The following MGAT4C variants were observed in gnomAD, a reference collection of about 807,000 sequenced individuals.
MGAT4C encodes the protein MGAT4 family member C, also known as alpha-1,3-mannosyl-glycoprotein 4-beta-N-acetylglucosaminyltransferase C.
MGAT4C carries 19 observed loss-of-function variants against 40.1 expected under a neutral mutation model. That is an observed-to-expected ratio of 0.47 (90% confidence interval 0.33 to 0.70). The LOEUF is 0.70. Among genes scored for constraint, MGAT4C ranks in the 30% least tolerant of loss-of-function variants. The pLI, the probability that MGAT4C is intolerant of heterozygous loss-of-function variation, is 0.02. For missense variants in MGAT4C, 491 were observed against 563.2 expected, an observed-to-expected ratio of 0.87 and a Z score of 1.30; for synonymous variants, 181 against 187.1, an observed-to-expected ratio of 0.97 and a Z score of 0.27.
chr12:86,344,717 G>GGTGTGTGTGTGTGTGTGTGTGTGTGT (rs71076188), intron 3 of MGAT4C, among the ~76,000 whole-genome samples: 1 of 139,414 alleles, frequency 7.2e-6, no homozygotes, highest in African/African-American at 2.7e-5. Flanking sequence ...ATCTCTTCTC[G>GGTGTGTGTGTGTGTGTGTGTGTGTGT]GTGTGTGTGT....
rs151018214 is a variant in MGAT4C, at chr12:86,395,614, T to G, written c.-120+39543A>C. ...TTATGCACATTCAACCAATGTAAGT[T>G]TTTGATGTGTGGTACTGAGCTTTTG... On this transcript the variant is annotated intron_variant, in intron 3 of 7. Coordinates refer to the MGAT4C transcript ENST00000548651. Among the ~76,000 whole-genome samples, 23 of 152,272 alleles carry G rather than the reference T, an allele frequency of 1.5e-4. No individual in the cohort carries two copies. The East Asian group carries it at 4.4e-3, about 29-fold the overall frequency.
At chr12:86,135,638 G>T (rs1446884965) in intron 1 of MGAT4C, among the ~76,000 whole-genome samples, 1 of 151,916 alleles carries the variant, frequency 6.6e-6, no homozygotes, top group African/African-American at 2.4e-5. Flanking sequence ...TTCTTTTTCC[G>T]CAACAAACAC....
chr12:86,484,961 T>G (rs1452798549), intron 2 of MGAT4C, among the ~76,000 whole-genome samples: 5 of 152,252 alleles, frequency 3.3e-5, no homozygotes, highest in Admixed American at 3.3e-4. Flanking sequence ...TTAAGCACCA[T>G]CTACTAGATT....
At chr12:86,038,553 T>A (rs186981020) in intron 2 of MGAT4C, among the ~76,000 whole-genome samples, 13 of 148,878 alleles carry the variant, frequency 8.7e-5, no homozygotes, top group African/African-American at 3.2e-4. Flanking sequence ...TATTTATTTA[T>A]TTATTTATTT....
In MGAT4C at chr12:86,506,062, T is replaced by C. The variant is rs142501105; in HGVS notation, c.-228-70797A>G. Among the ~76,000 whole-genome samples, 496 of 152,298 alleles carry C rather than the reference T, an allele frequency of 3.3e-3. 3 individuals carry two copies. The highest frequency in any genetic ancestry group is 0.011 in the African/African-American group (474 of 41,578). ...TCAAACTTTAAGGATATCTGGTAGATGCAATCTTTAAGCCAGTGGATCATG... is the reference window on the plus strand; with the variant it reads ...TCAAACTTTAAGGATATCTGGTAGACGCAATCTTTAAGCCAGTGGATCATG... On this transcript the variant is annotated intron_variant, in intron 2 of 7. Transcript: ENST00000548651.
At chr12:86,560,139 C>T (rs764527356) in intron 2 of MGAT4C, among the ~76,000 whole-genome samples, 2 of 151,734 alleles carry the variant, frequency 1.3e-5, no homozygotes, top group Non-Finnish European at 2.9e-5. Context: ...TAATAAATTA[C>T]AACATTGACA....
At chr12:86,461,231 A>G (rs1565777965) in intron 2 of MGAT4C, among the ~76,000 whole-genome samples, 1 of 148,960 alleles carries the variant, frequency 6.7e-6, no homozygotes, top group Non-Finnish European at 1.5e-5. Flanking sequence ...AAATTTACAC[A>G]TCTTCTTTTT....
At chr12:86,491,294 A>G (rs1958128900) in intron 2 of MGAT4C, among the ~76,000 whole-genome samples, 2 of 152,330 alleles carry the variant, frequency 1.3e-5, no homozygotes, top group South Asian at 4.1e-4. Context: ...AACTCATTTT[A>G]TGAGGCCAGC....
chr12:86,759,328 A>G (rs1003157686), intron 1 of MGAT4C, among the ~76,000 whole-genome samples: 4 of 152,070 alleles, frequency 2.6e-5, no homozygotes, highest in African/African-American at 7.2e-5. Flanking sequence ...GCTGTTGTGA[A>G]TAGTGCTGCA....
intron 1 of MGAT4C, among the ~76,000 whole-genome samples, chr12:86,774,331 C>CTTTCTTTCTTTCTTTCTTTCT (rs1555227805): frequency 9.4e-6 from 1 of 106,842 alleles, no homozygotes; most frequent in African/African-American, 3.5e-5. Context: ...TTCTTTCTTT[C>CTTTCTTTCTTTCTTTCTTTCT]TTTCTTTCTG....
chr12:86,657,992 G>C (rs1191456494), intron 2 of MGAT4C, among the ~76,000 whole-genome samples: 1 of 151,804 alleles, frequency 6.6e-6, no homozygotes, highest in Non-Finnish European at 1.5e-5. Context: ...CATGAAGAAA[G>C]CTTATTAAGA....
chr12:86,461,013 C>G (rs917661662), intron 2 of MGAT4C, among the ~76,000 whole-genome samples: 3 of 151,948 alleles, frequency 2.0e-5, no homozygotes, highest in Admixed American at 6.6e-5. Context: ...GTTTCCTATA[C>G]TCCTTAAAAT....
intron 2 of MGAT4C, among the ~76,000 whole-genome samples, chr12:86,586,142 T>C (rs904747263): frequency 1.7e-4 from 22 of 128,220 alleles, no homozygotes; most frequent in Non-Finnish European, 3.0e-4. Context: ...GATGTTCCCC[T>C]TCCTGTGTCC....
intron 1 of MGAT4C, among the ~76,000 whole-genome samples, chr12:86,241,940 T>C (rs1454464991): frequency 1.3e-5 from 2 of 152,090 alleles, no homozygotes; most frequent in Non-Finnish European, 2.9e-5. Context: ...TCAAATCATC[T>C]GAGACTAGGG....
chr12:86,339,497 A>G (rs1343316296), intron 3 of MGAT4C, among the ~76,000 whole-genome samples: 1 of 152,182 alleles, frequency 6.6e-6, no homozygotes, highest in Non-Finnish European at 1.5e-5. Context: ...AAAATTTATA[A>G]AGATACATGT....
At chr12:86,466,101 CG>C (rs1957677558) in intron 2 of MGAT4C, among the ~76,000 whole-genome samples, 2 of 151,860 alleles carry the variant, frequency 1.3e-5, no homozygotes, top group African/African-American at 4.8e-5. Context: ...CCCAGCTACT[CG>C]GGAAGCTGAG....
chr12:86,720,673 A>G (rs1950721980), intron 2 of MGAT4C, among the ~76,000 whole-genome samples: 1 of 152,196 alleles, frequency 6.6e-6, no homozygotes, highest in Non-Finnish European at 1.5e-5. Context: ...AATTAAATAC[A>G]GGACATGATT....
chr12:86,747,330 T>C (rs1951167023), intron 1 of MGAT4C, among the ~76,000 whole-genome samples: 1 of 151,654 alleles, frequency 6.6e-6, no homozygotes, highest in African/African-American at 2.4e-5. Flanking sequence ...CTGTGCAGCT[T>C]GTTAGAGAAT....
At chr12:86,516,229 A>C (rs920201590) in intron 2 of MGAT4C, among the ~76,000 whole-genome samples, 1 of 152,230 alleles carries the variant, frequency 6.6e-6, no homozygotes, top group East Asian at 1.9e-4. Context: ...TCAAGATGAC[A>C]TGGTGCTTGC....
Sources: gnomAD v4.1 joint callset for allele counts (sites outside exome capture counted in the v4.1 genomes callset) on GRCh38, gnomAD v4.1.1 for gene constraint, MANE v1.5 for transcripts, NCBI Gene and HGNC (gene_info 2026-07-23, HGNC 2026-07-21) for gene names.